The following CD109 variants were observed in gnomAD, a reference collection of about 807,000 sequenced individuals.
CD109 encodes CD109 molecule.
CD109 carries 149 observed loss-of-function variants against 165.8 expected under a neutral mutation model. The ratio of observed to expected loss-of-function variants is 0.90; its 90% CI spans 0.79 to 1.03. The LOEUF (loss-of-function observed/expected upper bound fraction) is 1.03, where lower values mean the gene tolerates loss of function less well. Ranked by LOEUF, CD109 falls within the 50% of genes least tolerant of loss-of-function variation. The pLI, the probability that CD109 is intolerant of heterozygous loss-of-function variation, is 0.00. For missense variants in CD109, 1,712 were observed against 1,677.8 expected (o/e 1.02, Z -0.36); for synonymous variants, 585 against 592.1 (o/e 0.99, Z 0.18).
At chr6:73,807,970 A>C in intron 25 of CD109, 113 bp from the exon 26 acceptor site, 1 of 819,676 alleles carries the variant, frequency 1.2e-6, no homozygotes. Context: ...AAGGTCAGGT[A>C]CTTCATAGAC....
chr6:73,750,270 G>A (rs1012877700), intron 5 of CD109, among the ~76,000 whole-genome samples: 1 of 152,160 alleles, frequency 6.6e-6, no homozygotes, highest in Non-Finnish European at 1.5e-5. Flanking sequence ...GCTCAGTTTG[G>A]GTGAGTGGTA....
At chr6:73,794,132 G>A (rs1207731838) in intron 23 of CD109, among the ~76,000 whole-genome samples, 1 of 152,048 alleles carries the variant, frequency 6.6e-6, no homozygotes, top group Non-Finnish European at 1.5e-5. Context: ...AACTAAATCT[G>A]TTTAAATGTT....
At chr6:73,734,759 A>T (rs1297613394) in intron 4 of CD109, among the ~76,000 whole-genome samples, 1 of 152,248 alleles carries the variant, frequency 6.6e-6, no homozygotes, top group Non-Finnish European at 1.5e-5. Flanking sequence ...CTTCTGTTCT[A>T]ATAACTGGCC....
intron 2 of CD109, among the ~76,000 whole-genome samples, chr6:73,718,777 C>T (rs1771837711): frequency 6.6e-6 from 1 of 151,778 alleles, no homozygotes; most frequent in African/African-American, 2.4e-5. Flanking sequence ...GCTTTAAACT[C>T]AATGTATGTA....
At position 73,828,011 on chromosome 6, in the gene CD109, A is replaced by G. The variant is rs1776324344; in HGVS notation, c.*4378A>G. The stretch of plus-strand genomic sequence containing the variant: ...TGATAACTTTAATAGAATGTGGCTC[A>G]GTTCTGGTCCTTCAAGCCTGTATGG... On this transcript the variant is annotated 3_prime_UTR_variant, in exon 33 of 33. Transcript: ENST00000287097. 1 of 154,802 alleles carries G rather than the reference A, an allele frequency of 6.5e-6. No homozygotes were observed. Among genetic ancestry groups the G allele is most frequent in the South Asian group, 2.0e-4 (1 of 4,916 alleles). 9.6% of individuals were successfully genotyped at this position (154,802 alleles called of 1,614,324 possible).
At chr6:73,786,085 T>C (rs1458736273) in intron 20 of CD109, among the ~76,000 whole-genome samples, 1 of 151,038 alleles carries the variant, frequency 6.6e-6, no homozygotes, top group Non-Finnish European at 1.5e-5. Flanking sequence ...CTGCCTGCCT[T>C]GGCCTCCCAA....
intron 5 of CD109, among the ~76,000 whole-genome samples, chr6:73,747,591 T>C (rs1312245024): frequency 1.3e-5 from 2 of 152,210 alleles, no homozygotes; most frequent in Non-Finnish European, 2.9e-5. Flanking sequence ...AGAGAACCTA[T>C]ACCTCTGAGT....
chr6:73,728,526 C>T (rs958125110), intron 3 of CD109, among the ~76,000 whole-genome samples: 1 of 152,218 alleles, frequency 6.6e-6, no homozygotes, highest in African/African-American at 2.4e-5. Flanking sequence ...CTCTATCATA[C>T]ATCTATCCAT....
At chr6:73,706,222 A>C (rs149521516) in intron 2 of CD109, among the ~76,000 whole-genome samples, 1 of 152,210 alleles carries the variant, frequency 6.6e-6, no homozygotes, top group African/African-American at 2.4e-5. Context: ...ACCACTTTAT[A>C]GGAAATGGGG....
intron 2 of CD109, 42 bp downstream of exon 2, chr6:73,697,614 A>G (rs1770899950): frequency 6.4e-7 from 1 of 1,559,390 alleles, no homozygotes; most frequent in Non-Finnish European, 8.8e-7. Context: ...TGCAGTAATA[A>G]CTGGAATATG....
chr6:73,724,613 A>AT (rs11386114), intron 3 of CD109, among the ~76,000 whole-genome samples: 41,743 of 135,164 alleles, frequency 0.31, 6,432 homozygotes, highest in Admixed American at 0.35. Context: ...ATTACCTTAA[A>AT]TTTTTTTTTT....
At chr6:73,817,986 C>T (rs140561301) in intron 30 of CD109, among the ~76,000 whole-genome samples, 183 of 152,282 alleles carry the variant, frequency 1.2e-3, no homozygotes, top group Non-Finnish European at 1.8e-3. Flanking sequence ...TTCTCAGGGC[C>T]TGGCTTTCAG....
At chr6:73,817,067 G>T (rs1775962523) in intron 30 of CD109, among the ~76,000 whole-genome samples, 1 of 152,112 alleles carries the variant, frequency 6.6e-6, no homozygotes, top group Non-Finnish European at 1.5e-5. Context: ...GAAAAATCTG[G>T]TATGAAGGAC....
the CD109 span, among the ~76,000 whole-genome samples, chr6:73,685,121 C>G: frequency 6.6e-6 from 1 of 152,026 alleles, no homozygotes; most frequent in East Asian, 1.9e-4. Context: ...CCAGGATGGT[C>G]TTGATCTCTT....
chr6:73,736,611 A>G, intron 5 of CD109, 103 bp downstream of exon 5: 1 of 955,074 alleles, frequency 1.0e-6, no homozygotes, highest in Admixed American at 2.7e-5. Context: ...GAAAAAAATT[A>G]ATGTGAACAT....
chr6:73,689,414 C>T, the CD109 span, among the ~76,000 whole-genome samples: 2 of 152,192 alleles, frequency 1.3e-5, no homozygotes, highest in Non-Finnish European at 2.9e-5. Context: ...TTAGAGGATG[C>T]TCAGCTGAGT....
chr6:73,816,889 A>G (rs1269146733), intron 30 of CD109, among the ~76,000 whole-genome samples: 1 of 152,200 alleles, frequency 6.6e-6, no homozygotes, highest in Non-Finnish European at 1.5e-5. Context: ...AAGAGGCCTC[A>G]GCATTTATAG....
intron 2 of CD109, among the ~76,000 whole-genome samples, chr6:73,713,832 C>T (rs1383880781): frequency 3.9e-5 from 6 of 152,174 alleles, no homozygotes; most frequent in Middle Eastern, 3.2e-3. Flanking sequence ...AGTCAATCTC[C>T]GAGAGCCTCA....
chr6:73,690,601 A>G, the CD109 span, among the ~76,000 whole-genome samples: 113 of 152,276 alleles, frequency 7.4e-4, 1 homozygote, highest in East Asian at 0.02. Context: ...GGGTTTCTCC[A>G]TGTTGGTCAG....
Sources: allele counts gnomAD v4.1 joint callset (sites outside exome capture counted in the v4.1 genomes callset), GRCh38; gene constraint gnomAD v4.1.1; transcripts MANE v1.5; gene names NCBI Gene and HGNC (gene_info 2026-07-23, HGNC 2026-07-21).